Variants in FER1L6 observed in about 807,000 individuals in gnomAD.
FER1L6 encodes the protein fer-1 like family member 6.
In FER1L6, 177 loss-of-function variants were observed where a neutral mutation model predicts 219.2. That is an observed-to-expected ratio of 0.81 (90% CI 0.71 to 0.91). The LOEUF is 0.91. FER1L6 is among the 40% of genes least tolerant of loss of function. The pLI is 0.00. For missense variants in FER1L6, 2,153 were observed against 2,259.9 expected (o/e 0.95, Z 0.96); for synonymous variants, 768 against 824.3 (o/e 0.93, Z 1.17).
intron 9 of FER1L6, among the ~76,000 whole-genome samples, chr8:123,976,289 C>T (rs1028439062): frequency 6.6e-6 from 1 of 151,986 alleles, no homozygotes; most frequent in Non-Finnish European, 1.5e-5. Flanking sequence ...TCACTTGAGG[C>T]CAGGAGCTCA....
At chr8:124,043,045 A>C (rs1350132763) in intron 20 of FER1L6, among the ~76,000 whole-genome samples, 1 of 152,182 alleles carries the variant, frequency 6.6e-6, no homozygotes, top group Non-Finnish European at 1.5e-5. Context: ...CATTTGCAAC[A>C]ACCAGGCTGG....
chr8:124,096,783 G>A (rs1368011455), intron 35 of FER1L6, among the ~76,000 whole-genome samples: 2 of 152,180 alleles, frequency 1.3e-5, no homozygotes, highest in Non-Finnish European at 2.9e-5. Context: ...ACTTGTGACA[G>A]TTGGGATTAT....
At chr8:123,859,000 TTTA>T (rs1816696609) in intron 1 of FER1L6, among the ~76,000 whole-genome samples, 1 of 125,738 alleles carries the variant, frequency 8.0e-6, no homozygotes, top group Non-Finnish European at 1.8e-5. Flanking sequence ...TATTTATTCA[TTTA>T]TTCATTTTTT....
intron 2 of FER1L6, among the ~76,000 whole-genome samples, chr8:123,961,861 T>A (rs1158778691): frequency 1.3e-5 from 2 of 151,878 alleles, no homozygotes; most frequent in African/African-American, 4.8e-5. Context: ...ATGGTCTGTG[T>A]TTTTTGTTTG....
intron 25 of FER1L6, among the ~76,000 whole-genome samples, 192 bp downstream of exon 25, chr8:124,062,224 C>A (rs1820619227): frequency 6.6e-6 from 1 of 152,214 alleles, no homozygotes; most frequent in African/African-American, 2.4e-5. Flanking sequence ...CACATTGGGT[C>A]AGTAACTCTA....
At chr8:124,116,263 A>G (rs1823239260) in intron 39 of FER1L6, among the ~76,000 whole-genome samples, 1 of 152,246 alleles carries the variant, frequency 6.6e-6, no homozygotes, top group African/African-American at 2.4e-5. Context: ...AAGGGCATGC[A>G]TGAAACACCA....
chr8:123,924,552 TA>T (rs1813492779), intron 1 of FER1L6, among the ~76,000 whole-genome samples: 5 of 150,568 alleles, frequency 3.3e-5, no homozygotes, highest in African/African-American at 1.2e-4. Flanking sequence ...AAAAAATAAA[TA>T]AATAAAAGAA....
intron 1 of FER1L6, among the ~76,000 whole-genome samples, chr8:123,862,927 C>G (rs1398865486): frequency 1.4e-5 from 2 of 146,636 alleles, no homozygotes; most frequent in African/African-American, 2.7e-5. Flanking sequence ...TTTCAAAAAA[C>G]CAGCTCCTGG....
intron 23 of FER1L6, 103 bp from the exon 24 acceptor site, chr8:124,060,445 C>T (rs987214311): frequency 1.0e-5 from 15 of 1,491,734 alleles, no homozygotes; most frequent in South Asian, 3.6e-5. Flanking sequence ...AGGAACACAG[C>T]GTGGTTCTCA....
rs768903790 is a variant in FER1L6, at chr8:124,060,567, G to A, written c.3005G>A (p.Arg1002Gln). The A allele has an allele frequency of 4.6e-5, 75 of 1,613,834 alleles. No homozygotes were observed. The highest frequency in any genetic ancestry group is 6.0e-5 in the Non-Finnish European group (71 of 1,179,970). The change falls in exon 24 of 41, where the codon CGG (arginine) becomes CAG (glutamine). Residue 1002 changes from arginine (R) to glutamine (Q), a missense_variant. Arg to Gln is a conservative substitution (Grantham distance 43). Coordinates refer to ENST00000522917, the MANE Select transcript of FER1L6 (RefSeq NM_001039112.2). The stretch of plus-strand genomic sequence containing the variant: ...CCTCAGGTTCTCTTCTGGGGAGTTC[G>A]GGAAATGAAGAAGGTGCAGCTCCTC... ...YRVEVLFWGV[R>Q]EMKKVQLLSV...
At chr8:123,922,410 T>C (rs980825581) in intron 1 of FER1L6, among the ~76,000 whole-genome samples, 2 of 152,176 alleles carry the variant, frequency 1.3e-5, no homozygotes, top group African/African-American at 4.8e-5. Flanking sequence ...AATCCTCAGG[T>C]TGCAGCAAGA....
At chr8:123,947,946 G>A (rs1272426753) in intron 1 of FER1L6, among the ~76,000 whole-genome samples, 1 of 152,182 alleles carries the variant, frequency 6.6e-6, no homozygotes, top group Non-Finnish European at 1.5e-5. Flanking sequence ...ATGGTTCGTG[G>A]ACAAGAGAGT....
chr8:123,938,639 C>T (rs147287015), intron 1 of FER1L6, among the ~76,000 whole-genome samples: 2,131 of 150,942 alleles, frequency 0.014, 126 homozygotes, highest in East Asian at 0.14. Flanking sequence ...CTCCACCTCC[C>T]GGGTTTATGC....
chr8:123,925,480 A>G (rs879438160), intron 1 of FER1L6, among the ~76,000 whole-genome samples: 2 of 152,212 alleles, frequency 1.3e-5, no homozygotes, highest in Non-Finnish European at 2.9e-5. Flanking sequence ...GCTATAAGGC[A>G]CCAGGCTGCA....
At chr8:123,861,992 C>T (rs1816753892) in intron 1 of FER1L6, among the ~76,000 whole-genome samples, 1 of 77,540 alleles carries the variant, frequency 1.3e-5, no homozygotes, top group Non-Finnish European at 2.4e-5. Flanking sequence ...CCTGATTGCC[C>T]TGGCCAGAAC....
chr8:123,956,477 T>C (rs1273814408), intron 2 of FER1L6, among the ~76,000 whole-genome samples: 2 of 152,194 alleles, frequency 1.3e-5, no homozygotes, highest in East Asian at 3.8e-4. Flanking sequence ...AGGATCACAG[T>C]TACTGTGGGG....
chr8:124,019,459 A>C (rs1463679114), intron 16 of FER1L6, among the ~76,000 whole-genome samples: 1 of 152,178 alleles, frequency 6.6e-6, no homozygotes, highest in African/African-American at 2.4e-5. Flanking sequence ...CAAACTGTCA[A>C]TGTCTCAGGA....
chr8:123,899,371 A>G (rs1563677948), intron 1 of FER1L6, among the ~76,000 whole-genome samples: 2 of 151,160 alleles, frequency 1.3e-5, no homozygotes, highest in Non-Finnish European at 3.0e-5. Flanking sequence ...TTTTTTTCTT[A>G]CTGATTTGAT....
At chr8:124,034,444 T>G (rs1317728319) in intron 18 of FER1L6, among the ~76,000 whole-genome samples, 1 of 152,132 alleles carries the variant, frequency 6.6e-6, no homozygotes, top group Non-Finnish European at 1.5e-5. Flanking sequence ...TATACACACA[T>G]ATACATAAGT....
Sources: allele counts gnomAD v4.1 joint callset (sites outside exome capture counted in the v4.1 genomes callset), GRCh38; gene constraint gnomAD v4.1.1; transcripts MANE v1.5; gene names NCBI Gene and HGNC (gene_info 2026-07-23, HGNC 2026-07-21).